The following DLGAP2 variants were observed in gnomAD, a reference collection of about 807,000 sequenced individuals.
The protein encoded by DLGAP2 is DLG associated protein 2.
DLGAP2 carries 26 observed loss-of-function variants against 100.3 expected under a neutral mutation model. That is an observed-to-expected ratio of 0.26 (90% CI 0.19 to 0.36). The LOEUF is 0.36. DLGAP2 is among the 10% of genes least tolerant of loss of function. DLGAP2 has a pLI of 1.00. For missense variants in DLGAP2, 1,858 were observed against 1,453.2 expected, an observed-to-expected ratio of 1.28 and a Z score of -4.53; for synonymous variants, 886 against 630.1, an observed-to-expected ratio of 1.41 and a Z score of -6.08.
At chr8:1,487,848 G>A (rs114730632) in intron 3 of DLGAP2, among the ~76,000 whole-genome samples, 274 of 152,280 alleles carry the variant, frequency 1.8e-3, no homozygotes, top group African/African-American at 6.2e-3. Context: ...CAGCAGGTAC[G>A]TGGTGGCCCC....
At chr8:1,235,184 G>C (rs144431026) in intron 2 of DLGAP2, among the ~76,000 whole-genome samples, 1,035 of 65,332 alleles carry the variant, frequency 0.016, 13 homozygotes, top group African/African-American at 0.051. Flanking sequence ...CGCCGTGTCT[G>C]CTTCCCTCAC....
At chr8:1,303,015 C>G (rs925883700) in intron 3 of DLGAP2, among the ~76,000 whole-genome samples, 1 of 152,240 alleles carries the variant, frequency 6.6e-6, no homozygotes, top group African/African-American at 2.4e-5. Flanking sequence ...GAGGATGGGC[C>G]TTCGTAAGGA....
chr8:1,274,977 C>T (rs1048492303), intron 3 of DLGAP2, among the ~76,000 whole-genome samples: 9 of 152,210 alleles, frequency 5.9e-5, no homozygotes, highest in East Asian at 1.9e-4. Context: ...CTGCTGTGTC[C>T]GCAGTCCCAG....
chr8:1,223,737 G>T (rs1798361991), intron 2 of DLGAP2, among the ~76,000 whole-genome samples: 1 of 152,194 alleles, frequency 6.6e-6, no homozygotes, highest in Non-Finnish European at 1.5e-5. Flanking sequence ...TGTGATGACT[G>T]TTTGGTTTTC....
At chr8:1,055,015 T>C (rs1351523732) in intron 2 of DLGAP2, among the ~76,000 whole-genome samples, 1 of 152,230 alleles carries the variant, frequency 6.6e-6, no homozygotes, top group African/African-American at 2.4e-5. Context: ...CAGCAAGGAA[T>C]GTTGAGGCCA....
At chr8:1,212,216 C>A (rs1798120504) in intron 2 of DLGAP2, among the ~76,000 whole-genome samples, 1 of 152,228 alleles carries the variant, frequency 6.6e-6, no homozygotes, top group Non-Finnish European at 1.5e-5. Context: ...CTTTCAAAGA[C>A]ACGCAGGTTG....
intron 6 of DLGAP2, among the ~76,000 whole-genome samples, chr8:1,582,307 A>AGCCCCACACAC (rs1292749651): frequency 3.1e-4 from 32 of 102,290 alleles, no homozygotes; most frequent in African/African-American, 4.6e-4. Flanking sequence ...GATACAGATA[A>AGCCCCACACAC]AACCTTAAAA....
At chr8:1,080,156 A>AGGTGCGG (rs1429010676) in intron 2 of DLGAP2, among the ~76,000 whole-genome samples, 1 of 152,232 alleles carries the variant, frequency 6.6e-6, no homozygotes. Context: ...GCCACTGAGC[A>AGGTGCGG]GGTGCGGAGC....
intron 3 of DLGAP2, among the ~76,000 whole-genome samples, chr8:1,315,358 CCT>C (rs1800711098): frequency 7.1e-6 from 1 of 139,972 alleles, no homozygotes; most frequent in African/African-American, 2.8e-5. Flanking sequence ...AAAAATAGAG[CCT>C]ATGCGAGTGC....
At chr8:920,224 C>G (rs11137111) in intron 2 of DLGAP2, among the ~76,000 whole-genome samples, 1 of 152,118 alleles carries the variant, frequency 6.6e-6, no homozygotes, top group African/African-American at 2.4e-5. Context: ...GTGCTGGGCT[C>G]TGCCCACAGA....
intron 1 of DLGAP2, among the ~76,000 whole-genome samples, chr8:802,350 C>T (rs1457758509): frequency 2.0e-5 from 3 of 152,100 alleles, no homozygotes; most frequent in Non-Finnish European, 4.4e-5. Context: ...CTGGGTCCCC[C>T]CACCTCAGGC....
intron 12 of DLGAP2, among the ~76,000 whole-genome samples, chr8:1,682,913 G>A (rs1349752399): frequency 1.3e-5 from 2 of 151,466 alleles, no homozygotes; most frequent in Non-Finnish European, 3.0e-5. Flanking sequence ...GTTTCGTGGT[G>A]GGATTTTTGT....
At chr8:1,271,407 T>C (rs1248832095) in intron 3 of DLGAP2, among the ~76,000 whole-genome samples, 3 of 152,224 alleles carry the variant, frequency 2.0e-5, no homozygotes, top group African/African-American at 7.2e-5. Context: ...TTTACTTTTA[T>C]TCTGGAGACT....
intron 11 of DLGAP2, among the ~76,000 whole-genome samples, chr8:1,677,542 G>C (rs1331648005): frequency 2.0e-5 from 3 of 152,114 alleles, no homozygotes; most frequent in African/African-American, 7.2e-5. Flanking sequence ...CACCACACAG[G>C]CACACGATAC....
At chr8:899,540 C>A (rs1798210523) in intron 1 of DLGAP2, among the ~76,000 whole-genome samples, 1 of 152,192 alleles carries the variant, frequency 6.6e-6, no homozygotes. Flanking sequence ...TGTGTGGTGG[C>A]AGGCACCTCA....
chr8:1,149,045 A>C (rs1001584760), intron 2 of DLGAP2, among the ~76,000 whole-genome samples: 30 of 152,166 alleles, frequency 2.0e-4, no homozygotes, highest in Admixed American at 2.0e-3. Flanking sequence ...TGATTCTGTC[A>C]ATTTTTGCAT....
intron 1 of DLGAP2, among the ~76,000 whole-genome samples, chr8:844,133 G>A (rs745941929): frequency 1.3e-5 from 2 of 152,132 alleles, no homozygotes; most frequent in South Asian, 2.1e-4. Context: ...AAGAGTATTC[G>A]TCAGCTCTGC....
At chr8:1,080,820 C>A (rs553621501) in intron 2 of DLGAP2, among the ~76,000 whole-genome samples, 1 of 152,158 alleles carries the variant, frequency 6.6e-6, no homozygotes, top group Non-Finnish European at 1.5e-5. Flanking sequence ...ACTCACTCAG[C>A]GCTCTGAGGA....
intron 2 of DLGAP2, among the ~76,000 whole-genome samples, chr8:1,206,445 GA>G (rs1203056484): frequency 5.9e-5 from 9 of 152,106 alleles, no homozygotes; most frequent in East Asian, 3.9e-4. Flanking sequence ...GCCATCCGTG[GA>G]CTGGGGTAGA....
Sources: gnomAD v4.1 joint callset for allele counts (sites outside exome capture counted in the v4.1 genomes callset) on GRCh38, gnomAD v4.1.1 for gene constraint, MANE v1.5 for transcripts, NCBI Gene and HGNC (gene_info 2026-07-23, HGNC 2026-07-21) for gene names.